The following ERBB4 variants were observed in gnomAD, a reference collection of about 807,000 sequenced individuals.
ERBB4 encodes the protein receptor tyrosine-protein kinase erbB-4.
ERBB4 carries 42 observed loss-of-function variants against 158.0 expected under a neutral mutation model. The observed-to-expected ratio is 0.27, with a 90% confidence interval of 0.21 to 0.34. The LOEUF is 0.34. Ranked by LOEUF, ERBB4 falls within the 10% of genes least tolerant of loss-of-function variation. The probability of loss-of-function intolerance (pLI) is 1.00; values close to 1 mark genes in which losing one functional copy is unlikely to be tolerated. For missense variants in ERBB4, 1,333 were observed against 1,624.1 expected (o/e 0.82, Z 3.08); for synonymous variants, 583 against 558.7 (o/e 1.04, Z -0.61).
chr2:212,194,286 G>A (rs982314442), intron 1 of ERBB4, among the ~76,000 whole-genome samples: 1 of 54,740 alleles, frequency 1.8e-5, no homozygotes, highest in Non-Finnish European at 3.8e-5. Context: ...AGTTTAAATA[G>A]TTTATACACA....
In ERBB4 at chr2:212,373,907, GTA is replaced by G. The variant is rs1407185965; in HGVS notation, c.82+164540_82+164541del. 2.6e-5 allele frequency among the ~76,000 whole-genome samples: 2 copies of G among 76,172 alleles called. 1 individual carries two copies. Among genetic ancestry groups the G allele is most frequent in the Non-Finnish European group, 5.2e-5 (2 of 38,580 alleles). 50.0% of individuals were successfully genotyped at this position (76,172 alleles called of 152,430 possible). ...TATATATCCATATATATATATCCAT[GTA>G]TATATCCATATATATATATCCATAT... On this transcript the variant is annotated intron_variant, in intron 1 of 27. Transcript: ENST00000342788.
chr2:212,349,825 G>A (rs2089176966), intron 1 of ERBB4, among the ~76,000 whole-genome samples: 1 of 151,882 alleles, frequency 6.6e-6, no homozygotes, highest in East Asian at 1.9e-4. Context: ...AGTTGCTCTA[G>A]GAAATGTTCC....
intron 1 of ERBB4, among the ~76,000 whole-genome samples, chr2:212,239,862 T>C (rs2084018131): frequency 6.6e-6 from 1 of 152,178 alleles, no homozygotes; most frequent in Admixed American, 6.5e-5. Context: ...AGGAATTAAA[T>C]AACAAGCTTT....
At chr2:212,107,051 G>T (rs1413533798) in intron 2 of ERBB4, among the ~76,000 whole-genome samples, 1 of 152,234 alleles carries the variant, frequency 6.6e-6, no homozygotes, top group South Asian at 2.1e-4. Context: ...TTTGGGGTGG[G>T]TGCCCCCAAA....
At chr2:211,938,143 TTTA>T (rs2080379960) in intron 3 of ERBB4, among the ~76,000 whole-genome samples, 1 of 152,294 alleles carries the variant, frequency 6.6e-6, no homozygotes, top group South Asian at 2.1e-4. Flanking sequence ...TGTCTATTTT[TTTA>T]CCAAAATCAA....
intron 2 of ERBB4, among the ~76,000 whole-genome samples, chr2:212,086,358 C>T (rs1366468040): frequency 7.8e-6 from 1 of 127,992 alleles, no homozygotes; most frequent in Admixed American, 8.0e-5. Flanking sequence ...TTCTCCCCAC[C>T]AAAAAAAAAA....
chr2:212,491,715 C>T (rs1690288763), intron 1 of ERBB4, among the ~76,000 whole-genome samples: 1 of 151,518 alleles, frequency 6.6e-6, no homozygotes, highest in African/African-American at 2.4e-5. Flanking sequence ...TAAAATCTAT[C>T]ATTTTTGGCA....
intron 1 of ERBB4, among the ~76,000 whole-genome samples, chr2:212,273,806 C>T (rs577283458): frequency 6.6e-6 from 1 of 151,794 alleles, no homozygotes; most frequent in South Asian, 2.1e-4. Context: ...AAGAAATGAG[C>T]CATGAAAAAG....
chr2:212,463,407 C>T (rs1688670907), intron 1 of ERBB4, among the ~76,000 whole-genome samples: 1 of 151,980 alleles, frequency 6.6e-6, no homozygotes, highest in Non-Finnish European at 1.5e-5. Context: ...ATTAAAAACA[C>T]ATATATGTAT....
intron 3 of ERBB4, among the ~76,000 whole-genome samples, chr2:211,915,435 T>TTTTATATATATATATATATATA (rs1553512119): frequency 7.4e-6 from 1 of 135,448 alleles, no homozygotes; most frequent in African/African-American, 3.3e-5. Context: ...AGTTCAAACA[T>TTTTATATATATATATATATATA]TACATATATA....
chr2:211,443,666 T>A (rs573556635), intron 20 of ERBB4, among the ~76,000 whole-genome samples: 2 of 152,194 alleles, frequency 1.3e-5, no homozygotes, highest in South Asian at 4.1e-4. Flanking sequence ...TGAAGAGTGA[T>A]TTCTGGGACA....
chr2:211,431,775 A>G (rs1030010823), intron 20 of ERBB4, among the ~76,000 whole-genome samples: 2 of 152,156 alleles, frequency 1.3e-5, no homozygotes, highest in Non-Finnish European at 2.9e-5. Flanking sequence ...ATTAGCCTTT[A>G]ATATTTTACC....
At chr2:211,561,728 G>A (rs548779126) in intron 20 of ERBB4, 175 bp downstream of exon 20, 14 of 635,078 alleles carry the variant, frequency 2.2e-5, no homozygotes, top group African/African-American at 3.7e-5. Context: ...TATATATCAC[G>A]CATTTAATCT....
intron 27 of ERBB4, among the ~76,000 whole-genome samples, chr2:211,385,314 A>C (rs544874664): frequency 7.3e-4 from 111 of 152,256 alleles, no homozygotes; most frequent in African/African-American, 2.6e-3. Flanking sequence ...AAAGAAGTAC[A>C]AGACTTATTT....
intron 12 of ERBB4, among the ~76,000 whole-genome samples, chr2:211,696,496 A>G (rs2073027332): frequency 6.6e-6 from 1 of 152,088 alleles, no homozygotes; most frequent in Admixed American, 6.6e-5. Context: ...ACTGAGGTAT[A>G]GAGACAATAA....
At chr2:211,870,100 T>C (rs2078306446) in intron 3 of ERBB4, among the ~76,000 whole-genome samples, 2 of 152,194 alleles carry the variant, frequency 1.3e-5, no homozygotes, top group South Asian at 4.1e-4. Context: ...CCACTCTTTT[T>C]ATAGTTGCCC....
In ERBB4 at chr2:211,630,456, C is replaced by G. The variant is rs375049485; in HGVS notation, c.2079+6G>C. ...AACACATGAAGAGGAGAAAGAAATACCTCACCTCTGTTTCCAAGAATCTTC... is the reference window on the plus strand; with the variant it reads ...AACACATGAAGAGGAGAAAGAAATAGCTCACCTCTGTTTCCAAGAATCTTC... On this transcript the variant is annotated splice_donor_region_variant and intron_variant, in intron 17 of 27. Transcript: ENST00000342788. The G allele has an allele frequency of 6.2e-7, 1 of 1,612,974 alleles. No homozygotes were observed. The highest frequency in any genetic ancestry group is 8.5e-7 in the Non-Finnish European group (1 of 1,179,102).
intron 1 of ERBB4, among the ~76,000 whole-genome samples, chr2:212,435,662 A>C (rs1331507929): frequency 5.3e-5 from 8 of 151,910 alleles, no homozygotes; most frequent in Non-Finnish European, 1.0e-4. Flanking sequence ...TGCACACACG[A>C]AATCCCAGGT....
rs1463531838 is a variant in ERBB4, at chr2:212,003,193, GA to G, written c.235-55578del. 2.5e-3 allele frequency among the ~76,000 whole-genome samples: 163 copies of G among 64,436 alleles called. 6 individuals carry two copies. Among genetic ancestry groups the G allele is most frequent in the South Asian group, 7.5e-3 (13 of 1,734 alleles). 42.3% of individuals were successfully genotyped at this position (64,436 alleles called of 152,430 possible). On this transcript the variant is annotated intron_variant, in intron 2 of 27. Coordinates refer to ENST00000342788, the MANE Select transcript of ERBB4 (RefSeq NM_005235.3). ...AGAAAGAAAGAAAGAAAGAAAGAAA[GA>G]AAGAAAGAAAGACAGAAAGAAGGAA... is the stretch of plus-strand genomic sequence containing the variant.
Sources: allele counts gnomAD v4.1 joint callset (sites outside exome capture counted in the v4.1 genomes callset), GRCh38; gene constraint gnomAD v4.1.1; transcripts MANE v1.5; gene names NCBI Gene and HGNC (gene_info 2026-07-23, HGNC 2026-07-21).